Variants in RORA observed in about 807,000 individuals in gnomAD.
RORA encodes nuclear receptor ROR-alpha.
Under a neutral mutation model 69.5 loss-of-function variants are expected in RORA, and 7 were observed. The ratio of observed to expected loss-of-function variants is 0.10; its 90% CI spans 0.06 to 0.19. RORA has a LOEUF of 0.19. RORA is among the 10% of genes least tolerant of loss of function. RORA has a pLI of 1.00. For missense variants in RORA, 457 were observed against 663.0 expected, an observed-to-expected ratio of 0.69 and a Z score of 3.41; for synonymous variants, 261 against 240.8, an observed-to-expected ratio of 1.08 and a Z score of -0.78.
At chr15:61,119,082 G>GAA (rs11380711) in intron 1 of RORA, among the ~76,000 whole-genome samples, 1 of 130,810 alleles carries the variant, frequency 7.6e-6, no homozygotes, top group East Asian at 2.5e-4. Context: ...GTTAACAGAA[G>GAA]GGGGGGGGGG....
rs1390753866 is a variant in RORA at position 60,496,854 on chromosome 15, TAAAAC to T, written c.*596_*600del. On this transcript the variant is annotated 3_prime_UTR_variant, in exon 11 of 11. Coordinates refer to ENST00000335670, the MANE Select transcript of RORA (RefSeq NM_134261.3). The surrounding 1 kb of genome is among the most constrained non-coding windows in gnomAD (Gnocchi z 4.5). ...ACCAGTAACTACATTTTATATTACT[TAAAAC>T]AATATATAAACAATATCTCTTTTAG... 2 of 152,222 alleles carry T rather than the reference TAAAAC, an allele frequency of 1.3e-5. No homozygotes were observed. Among genetic ancestry groups the T allele is most frequent in the African/African-American group, 2.4e-5 (1 of 41,450 alleles). 9.4% of individuals were successfully genotyped at this position (152,222 alleles called of 1,614,324 possible). A position where few individuals can be genotyped will look rare whatever the true frequency, so the allele number is the denominator to read the frequency against.
chr15:61,218,709 C>CACAA (rs1555421375), intron 1 of RORA, among the ~76,000 whole-genome samples: 1 of 151,158 alleles, frequency 6.6e-6, no homozygotes, highest in South Asian at 2.1e-4. Flanking sequence ...CACACACACA[C>CACAA]AATTTCCTTC....
chr15:60,820,931 G>C (rs1048571532), intron 1 of RORA, among the ~76,000 whole-genome samples: 1 of 152,162 alleles, frequency 6.6e-6, no homozygotes, highest in African/African-American at 2.4e-5. Flanking sequence ...ACAGGGATCT[G>C]TAAATGGGGT....
At chr15:61,135,584 A>AAG (rs1225664474) in intron 1 of RORA, among the ~76,000 whole-genome samples, 1 of 150,380 alleles carries the variant, frequency 6.6e-6, no homozygotes, top group African/African-American at 2.4e-5. Flanking sequence ...ACATCAAAAA[A>AAG]AAAAAAAAAA....
intron 1 of RORA, among the ~76,000 whole-genome samples, chr15:61,166,629 T>C (rs2079541482): frequency 6.6e-6 from 1 of 152,038 alleles, no homozygotes; most frequent in South Asian, 2.1e-4. Flanking sequence ...AAACCAAGTT[T>C]TACAGCTAAA....
intron 1 of RORA, among the ~76,000 whole-genome samples, chr15:61,099,965 A>G (rs2078853135): frequency 1.3e-5 from 2 of 152,162 alleles, no homozygotes; most frequent in Non-Finnish European, 2.9e-5. Context: ...CCTTTTGTCA[A>G]ACTTAATTTA....
chr15:61,096,753 C>T (rs749077040), intron 1 of RORA, among the ~76,000 whole-genome samples: 1 of 152,116 alleles, frequency 6.6e-6, no homozygotes, highest in Non-Finnish European at 1.5e-5. Context: ...CATTAAAAAC[C>T]GGTCCTGTCC....
intron 1 of RORA, among the ~76,000 whole-genome samples, chr15:60,929,889 G>A (rs79348302): frequency 9.2e-5 from 14 of 152,196 alleles, no homozygotes; most frequent in African/African-American, 3.1e-4. Context: ...TGACAAGCTC[G>A]CCTCTGTTCT....
chr15:60,516,019 A>T (rs868623770), intron 3 of RORA, among the ~76,000 whole-genome samples: 189 of 9,606 alleles, frequency 0.02, 19 homozygotes, highest in East Asian at 0.026. Context: ...ATTTATATAT[A>T]TTTATATATT....
At chr15:60,719,672 C>T (rs926842283) in intron 1 of RORA, among the ~76,000 whole-genome samples, 4 of 152,174 alleles carry the variant, frequency 2.6e-5, no homozygotes, top group South Asian at 2.1e-4. Flanking sequence ...CAAAAAGCTA[C>T]GTCCTGCTGC....
chr15:60,632,918 T>C (rs186827636), intron 2 of RORA, among the ~76,000 whole-genome samples: 3 of 152,272 alleles, frequency 2.0e-5, no homozygotes, highest in South Asian at 2.1e-4. Flanking sequence ...AGAAGATCAA[T>C]ATACTGTTGC....
At position 60,531,036 on chromosome 15, in the gene RORA, C is replaced by T. The variant is rs1334015390; in HGVS notation, c.282+730G>A. On this transcript the variant is annotated intron_variant, in intron 3 of 10. Transcript: ENST00000335670. This position sits in a 1 kb window ranked among gnomAD's most constrained non-coding sequence, Gnocchi z 4.8. ...TAAACATCTCTGTTTCTCATCTGCA[C>T]ATTATGCATGTGCTGTACACATTGC... 6.6e-6 allele frequency: 1 copy of T among 152,228 alleles called. No individual in the cohort carries two copies. The highest frequency in any genetic ancestry group is 1.9e-4 in the East Asian group (1 of 5,198). The allele number at this position is 152,228 out of a possible 1,614,324, so 9.4% of individuals were successfully genotyped here.
intron 2 of RORA, among the ~76,000 whole-genome samples, chr15:60,538,644 C>T (rs1415315288): frequency 1.3e-5 from 2 of 152,170 alleles, no homozygotes; most frequent in African/African-American, 4.8e-5. Context: ...TTATTCACAA[C>T]TTAGAAGAAA....
intron 1 of RORA, among the ~76,000 whole-genome samples, chr15:60,751,078 G>T (rs2071716769): frequency 6.6e-6 from 1 of 152,168 alleles, no homozygotes; most frequent in East Asian, 1.9e-4. Flanking sequence ...CAGTGCAGAG[G>T]GCCTGGGAGA....
intron 1 of RORA, among the ~76,000 whole-genome samples, chr15:60,693,124 C>T (rs550162541): frequency 1.3e-5 from 2 of 152,242 alleles, no homozygotes; most frequent in African/African-American, 2.4e-5. Flanking sequence ...GCTTCATCCC[C>T]GGGATGCAAG....
At chr15:60,824,900 C>A (rs1164643668) in intron 1 of RORA, among the ~76,000 whole-genome samples, 2 of 152,114 alleles carry the variant, frequency 1.3e-5, no homozygotes, top group Non-Finnish European at 2.9e-5. Flanking sequence ...ACAAAATAAC[C>A]TAATGGTTGT....
chr15:60,946,888 T>C (rs1038671955), intron 1 of RORA, among the ~76,000 whole-genome samples: 6 of 150,920 alleles, frequency 4.0e-5, no homozygotes, highest in Non-Finnish European at 8.9e-5. Flanking sequence ...CCGCCCCGTC[T>C]GGGATGTGAG....
intron 1 of RORA, among the ~76,000 whole-genome samples, chr15:60,973,630 G>A (rs1420078024): frequency 2.6e-5 from 4 of 152,222 alleles, no homozygotes; most frequent in Non-Finnish European, 4.4e-5. Context: ...CATCCCAGCT[G>A]TTAACATTAT....
chr15:60,526,366 G>T (rs1302472324), intron 3 of RORA, among the ~76,000 whole-genome samples: 1 of 152,198 alleles, frequency 6.6e-6, no homozygotes, highest in African/African-American at 2.4e-5. Context: ...ACGCACGAGG[G>T]ACCTGCCCCA....
Sources: gnomAD v4.1 joint callset for allele counts (sites outside exome capture counted in the v4.1 genomes callset) on GRCh38, gnomAD v4.1.1 for gene constraint, Gnocchi (gnomAD v3.1) non-coding constraint, MANE v1.5 for transcripts, NCBI Gene and HGNC (gene_info 2026-07-23, HGNC 2026-07-21) for gene names.